The following TANC2 variants were observed in gnomAD, a reference collection of about 807,000 sequenced individuals.
TANC2 encodes the protein protein TANC2.
In TANC2, 26 loss-of-function variants were observed where a neutral mutation model predicts 210.5. The ratio of observed to expected loss-of-function variants is 0.12; its 90% CI spans 0.09 to 0.17. The LOEUF (loss-of-function observed/expected upper bound fraction) is 0.17, where lower values mean the gene tolerates loss of function less well. Among genes scored for constraint, TANC2 ranks in the 10% least tolerant of loss-of-function variants. The pLI is 1.00. For missense variants in TANC2, 2,129 were observed against 2,608.9 expected (o/e 0.82, Z 4.01); for synonymous variants, 931 against 967.1 (o/e 0.96, Z 0.69).
chr17:63,329,107 G>A (rs1598864459), intron 11 of TANC2, among the ~76,000 whole-genome samples: 2 of 152,146 alleles, frequency 1.3e-5, no homozygotes, highest in Non-Finnish European at 2.9e-5. Context: ...TTTACACAGT[G>A]CCACTTTCTG....
At chr17:63,156,489 G>A (rs1598488847) in intron 5 of TANC2, among the ~76,000 whole-genome samples, 4 of 151,810 alleles carry the variant, frequency 2.6e-5, no homozygotes, top group Admixed American at 2.6e-4. Flanking sequence ...ATAGTGGATA[G>A]ACTTGAGAGG....
At position 63,229,593 on chromosome 17, in the gene TANC2, T is replaced by C. The variant is rs2042417117; in HGVS notation, c.770-8221T>C. Among the ~76,000 whole-genome samples the C allele has an allele frequency of 3.3e-5, 5 of 150,860 alleles. No individual in the cohort carries two copies. The Admixed American group carries it at 3.3e-4, about 10-fold the overall frequency. Reference sequence around the variant, plus strand: ...TTTTGGTTGGTAGGCTATTTATTACTATAGGCTATTTATTACTGCCTCAAT... The same window carrying C: ...TTTTGGTTGGTAGGCTATTTATTACCATAGGCTATTTATTACTGCCTCAAT... On this transcript the variant is annotated intron_variant, in intron 7 of 27. Transcript: ENST00000689528.
At chr17:63,134,788 T>A (rs1181859651) in intron 4 of TANC2, among the ~76,000 whole-genome samples, 1 of 152,174 alleles carries the variant, frequency 6.6e-6, no homozygotes, top group Non-Finnish European at 1.5e-5. Context: ...AGTTACTGTG[T>A]TTTTTACTTT....
intron 5 of TANC2, among the ~76,000 whole-genome samples, chr17:63,160,832 A>C (rs1394990363): frequency 6.6e-6 from 1 of 152,092 alleles, no homozygotes; most frequent in Non-Finnish European, 1.5e-5. Flanking sequence ...GGCTTTTTTA[A>C]AATTTATGTG....
intron 1 of TANC2, among the ~76,000 whole-genome samples, chr17:62,970,091 A>G (rs191626033): frequency 2.0e-5 from 3 of 152,312 alleles, no homozygotes; most frequent in Admixed American, 2.0e-4. Flanking sequence ...TTTCACAATT[A>G]TAATAGTTAT....
At chr17:63,022,862 A>G (rs1022710247) in intron 2 of TANC2, among the ~76,000 whole-genome samples, 1 of 152,222 alleles carries the variant, frequency 6.6e-6, no homozygotes, top group African/African-American at 2.4e-5. Context: ...CAAAAGGTAC[A>G]TGCCATAGAT....
chr17:63,046,606 C>T (rs1429591135), intron 2 of TANC2, among the ~76,000 whole-genome samples: 1 of 151,756 alleles, frequency 6.6e-6, no homozygotes, highest in Non-Finnish European at 1.5e-5. Flanking sequence ...TGCTGGGAGC[C>T]ACCACACCCG....
chr17:63,251,282 A>G (rs2043046878), intron 8 of TANC2, among the ~76,000 whole-genome samples: 1 of 152,180 alleles, frequency 6.6e-6, no homozygotes, highest in South Asian at 2.1e-4. Flanking sequence ...AAGCAAGGAA[A>G]GTGCAGCCTA....
At chr17:63,219,622 G>T (rs1458319085) in intron 7 of TANC2, among the ~76,000 whole-genome samples, 1 of 152,016 alleles carries the variant, frequency 6.6e-6, no homozygotes, top group Non-Finnish European at 1.5e-5. Flanking sequence ...ATATTGGTCG[G>T]TTGTTCTTGA....
At chr17:62,994,348 ATT>A (rs373819801) in intron 1 of TANC2, among the ~76,000 whole-genome samples, 6 of 137,150 alleles carry the variant, frequency 4.4e-5, no homozygotes, top group Admixed American at 1.5e-4. Context: ...CACCTGGCTC[ATT>A]TTTTTTTTTT....
At chr17:63,283,727 T>C (rs1308416131) in intron 9 of TANC2, among the ~76,000 whole-genome samples, 1 of 152,012 alleles carries the variant, frequency 6.6e-6, no homozygotes, top group Non-Finnish European at 1.5e-5. Context: ...TCCTTCAGTA[T>C]TTCATATTTC....
chr17:63,075,201 A>G (rs2036528921), intron 3 of TANC2, among the ~76,000 whole-genome samples: 1 of 152,210 alleles, frequency 6.6e-6, no homozygotes, highest in African/African-American at 2.4e-5. Flanking sequence ...TCTAAAAATA[A>G]AATTAGTACA....
At chr17:63,121,435 C>G (rs1238503939) in intron 4 of TANC2, among the ~76,000 whole-genome samples, 1 of 151,932 alleles carries the variant, frequency 6.6e-6, no homozygotes, top group Non-Finnish European at 1.5e-5. Flanking sequence ...TACTTTCCCC[C>G]CATTCCTCTC....
At chr17:63,168,423 G>T (rs1190271906) in intron 5 of TANC2, among the ~76,000 whole-genome samples, 2 of 152,068 alleles carry the variant, frequency 1.3e-5, no homozygotes, top group African/African-American at 2.4e-5. Flanking sequence ...CTACCTACCT[G>T]CAAGGGACCA....
At chr17:63,325,253 C>T (rs545809590) in intron 11 of TANC2, among the ~76,000 whole-genome samples, 95 of 152,270 alleles carry the variant, frequency 6.2e-4, no homozygotes, top group African/African-American at 2.2e-3. Context: ...TGGAAAACCT[C>T]GCCATGCCCT....
At chr17:63,176,999 C>T (rs1220345488) in intron 5 of TANC2, among the ~76,000 whole-genome samples, 1 of 151,104 alleles carries the variant, frequency 6.6e-6, no homozygotes, top group Non-Finnish European at 1.5e-5. Context: ...CACGGTGGCT[C>T]ACACCTGTAA....
chr17:63,267,531 T>G (rs2043565975), intron 8 of TANC2, among the ~76,000 whole-genome samples: 1 of 152,190 alleles, frequency 6.6e-6, no homozygotes, highest in Non-Finnish European at 1.5e-5. Context: ...ATGTACTGTC[T>G]TAAAGTAGCA....
At chr17:63,076,652 A>G (rs1452181998) in intron 3 of TANC2, among the ~76,000 whole-genome samples, 1 of 152,172 alleles carries the variant, frequency 6.6e-6, no homozygotes, top group Admixed American at 6.5e-5. Flanking sequence ...ACTTGGAGAG[A>G]CATACATTTT....
At chr17:63,130,373 G>T (rs900881582) in intron 4 of TANC2, among the ~76,000 whole-genome samples, 1 of 152,014 alleles carries the variant, frequency 6.6e-6, no homozygotes, top group African/African-American at 2.4e-5. Context: ...TTAGCTGGGC[G>T]TGGTGGTGCA....
Sources: gnomAD v4.1 joint callset for allele counts (sites outside exome capture counted in the v4.1 genomes callset) on GRCh38, gnomAD v4.1.1 for gene constraint, MANE v1.5 for transcripts, NCBI Gene and HGNC (gene_info 2026-07-23, HGNC 2026-07-21) for gene names.